TMOD2: variants seen among roughly 807,000 people sequenced by gnomAD.
TMOD2 encodes tropomodulin 2, also known as tropomodulin-2.
Under a neutral mutation model 39.9 loss-of-function variants are expected in TMOD2, and 22 were observed. That is an observed-to-expected ratio of 0.55 (90% CI 0.39 to 0.79). The LOEUF (loss-of-function observed/expected upper bound fraction) is 0.79, where lower values mean the gene tolerates loss of function less well. Among genes scored for constraint, TMOD2 ranks in the 30% least tolerant of loss-of-function variants. The pLI, the probability that TMOD2 is intolerant of heterozygous loss-of-function variation, is 0.00. For missense variants in TMOD2, 386 were observed against 413.3 expected (o/e 0.93, Z 0.57); for synonymous variants, 123 against 146.1 (o/e 0.84, Z 1.14).
At position 51,807,047 on chromosome 15, in the gene TMOD2, C is replaced by T. The variant is rs957672872; in HGVS notation, c.1021+526C>T. Among the ~76,000 whole-genome samples, 25 of 152,340 alleles carry T rather than the reference C, an allele frequency of 1.6e-4. 1 individual carries two copies. The highest frequency in any genetic ancestry group is 1.2e-3 in the Admixed American group (18 of 15,306). On this transcript the variant is annotated intron_variant, in intron 9 of 9. Transcript: ENST00000249700. ...GCCACTTGTTGCTGAGGATCCCTGG[C>T]ATTTCTTCTGTTAGGATGAGGTGGG...
chr15:51,773,735 A>G lies in TMOD2; in HGVS notation c.307A>G (p.Lys103Glu), dbSNP rs1467531589. ...KKGRVFIPKEKPIETRKEEKV... is the reference protein window; with the variant it reads ...KKGRVFIPKEEPIETRKEEKV... Reference sequence around the variant, plus strand: ...AGGGAGAGTCTTTATCCCTAAAGAAAAGCCTATAGAAACTCGTAAAGAAGA... The same window carrying G: ...AGGGAGAGTCTTTATCCCTAAAGAAGAGCCTATAGAAACTCGTAAAGAAGA... Residue 103 changes from lysine (K) to glutamate (E), a missense_variant, in exon 4 of 10, where the codon AAG (lysine) becomes GAG (glutamate). By Grantham distance (56) the Lys-to-Glu change is moderately conservative. Transcript: ENST00000249700. 2 of 1,609,676 alleles carry G rather than the reference A, an allele frequency of 1.2e-6. No homozygotes were observed. Among genetic ancestry groups the G allele is most frequent in the African/African-American group, 2.7e-5 (2 of 74,406 alleles).
chr15:51,796,971 G>C (rs558793666), intron 7 of TMOD2, among the ~76,000 whole-genome samples: 33 of 152,340 alleles, frequency 2.2e-4, no homozygotes, highest in Admixed American at 2.0e-3. Flanking sequence ...GGCAGGGACA[G>C]CACGGAGATG....
intron 7 of TMOD2, among the ~76,000 whole-genome samples, chr15:51,787,860 A>G (rs1235752771): frequency 1.3e-5 from 2 of 152,252 alleles, no homozygotes; most frequent in East Asian, 3.8e-4. Context: ...GGTCACCAAC[A>G]TCAAAGACCA....
chr15:51,790,946 A>G (rs1472751060), intron 7 of TMOD2, among the ~76,000 whole-genome samples: 1 of 152,234 alleles, frequency 6.6e-6, no homozygotes, highest in Non-Finnish European at 1.5e-5. Context: ...AACCGGCACA[A>G]GACAAGGATG....
chr15:51,782,640 A>T, intron 6 of TMOD2, 81 bp from the exon 7 acceptor site: 1 of 1,075,346 alleles, frequency 9.3e-7, no homozygotes, highest in East Asian at 2.4e-5. Flanking sequence ...CATACCTGGT[A>T]TTTAAAGGTT....
intron 8 of TMOD2, among the ~76,000 whole-genome samples, chr15:51,800,744 G>A (rs1218938864): frequency 6.6e-6 from 1 of 151,838 alleles, no homozygotes; most frequent in Non-Finnish European, 1.5e-5. Flanking sequence ...CTCACTCTAT[G>A]GCCCAGGCTA....
intron 5 of TMOD2, among the ~76,000 whole-genome samples, chr15:51,780,511 G>A (rs2055922420): frequency 1.3e-5 from 2 of 152,136 alleles, no homozygotes; most frequent in African/African-American, 4.8e-5. Context: ...TTAATCCTTT[G>A]TATCTCTGTT....
intron 5 of TMOD2, among the ~76,000 whole-genome samples, chr15:51,778,630 T>C (rs947619511): frequency 7.8e-5 from 11 of 140,224 alleles, no homozygotes; most frequent in African/African-American, 2.6e-4. Flanking sequence ...TGAAAACTCA[T>C]AGAAAATTAC....
intron 3 of TMOD2, among the ~76,000 whole-genome samples, chr15:51,773,416 C>A (rs1445166026): frequency 6.6e-6 from 1 of 152,172 alleles, no homozygotes; most frequent in African/African-American, 2.4e-5. Flanking sequence ...CCTGCCCAGA[C>A]CCAAGGGCAG....
chr15:51,762,552 A>G (rs1269030759), intron 1 of TMOD2, among the ~76,000 whole-genome samples: 1 of 152,220 alleles, frequency 6.6e-6, no homozygotes, highest in Non-Finnish European at 1.5e-5. Context: ...TGTAAATGAC[A>G]TACAATAAAG....
chr15:51,802,602 A>C (rs1317845950), intron 8 of TMOD2, among the ~76,000 whole-genome samples: 2 of 152,236 alleles, frequency 1.3e-5, no homozygotes, highest in African/African-American at 4.8e-5. Flanking sequence ...AAGTTATCCA[A>C]GTCCAGGACT....
At chr15:51,792,645 A>C (rs1043568748) in intron 7 of TMOD2, among the ~76,000 whole-genome samples, 1 of 152,242 alleles carries the variant, frequency 6.6e-6, no homozygotes, top group South Asian at 2.1e-4. Flanking sequence ...CTGGATAAAG[A>C]AAATGTAGCA....
intron 8 of TMOD2, among the ~76,000 whole-genome samples, chr15:51,804,271 T>C (rs2056107974): frequency 1.3e-5 from 2 of 152,234 alleles, no homozygotes; most frequent in South Asian, 4.1e-4. Context: ...TAGTTCTTTA[T>C]ATGGATGAGG....
intron 1 of TMOD2, among the ~76,000 whole-genome samples, chr15:51,763,673 A>G (rs1006210100): frequency 5.3e-5 from 8 of 152,194 alleles, no homozygotes; most frequent in Admixed American, 5.2e-4. Context: ...TGCTTTCTAA[A>G]TTTTAAAAGA....
intron 1 of TMOD2, among the ~76,000 whole-genome samples, chr15:51,753,802 C>T (rs918622991): frequency 1.5e-4 from 22 of 150,474 alleles, no homozygotes; most frequent in East Asian, 3.9e-4. Flanking sequence ...AGTTCAGGAA[C>T]GTAGCAAATG....
At chr15:51,777,630 C>T (rs1189046933) in intron 5 of TMOD2, among the ~76,000 whole-genome samples, 5 of 152,180 alleles carry the variant, frequency 3.3e-5, no homozygotes, top group African/African-American at 1.2e-4. Context: ...TAAATACCTA[C>T]TATGTGTCAG....
chr15:51,773,992 A>C (rs690638), intron 4 of TMOD2, among the ~76,000 whole-genome samples, 158 bp downstream of exon 4: 129,028 of 152,214 alleles, frequency 0.85, 55,313 homozygotes, highest in African/African-American at 0.89. Flanking sequence ...GGTGACTTAA[A>C]CTCTCTGAGC....
chr15:51,795,789 T>G (rs2056047247), intron 7 of TMOD2, among the ~76,000 whole-genome samples: 1 of 152,086 alleles, frequency 6.6e-6, no homozygotes, highest in Non-Finnish European at 1.5e-5. Flanking sequence ...AACTTGGTCT[T>G]CAGCCATGCT....
At chr15:51,804,818 G>A (rs1019143688) in intron 8 of TMOD2, among the ~76,000 whole-genome samples, 7 of 152,036 alleles carry the variant, frequency 4.6e-5, no homozygotes, top group Admixed American at 4.6e-4. Flanking sequence ...TGATCCGCCC[G>A]TCTCAGCCTT....
Sources: allele counts gnomAD v4.1 joint callset (sites outside exome capture counted in the v4.1 genomes callset), GRCh38; gene constraint gnomAD v4.1.1; transcripts MANE v1.5; gene names NCBI Gene and HGNC (gene_info 2026-07-23, HGNC 2026-07-21).